The following C12orf42 variants were observed in gnomAD, a reference collection of about 807,000 sequenced individuals.
C12orf42 encodes uncharacterized protein C12orf42.
Under a neutral mutation model 21.6 loss-of-function variants are expected in C12orf42, and 25 were observed. The ratio of observed to expected loss-of-function variants is 1.16; its 90% CI spans 0.84 to 1.62. C12orf42 has a LOEUF of 1.62. Among genes scored for constraint, C12orf42 ranks in the 40% most tolerant of loss-of-function variants. The probability of loss-of-function intolerance (pLI) is 0.00; values close to 1 mark genes in which losing one functional copy is unlikely to be tolerated. For missense variants in C12orf42, 483 were observed against 459.3 expected (o/e 1.05, Z -0.47); for synonymous variants, 174 against 175.0 (o/e 0.99, Z 0.05).
At chr12:103,230,378 T>C in the C12orf42 span, among the ~76,000 whole-genome samples, 688 of 152,282 alleles carry the variant, frequency 4.5e-3, 3 homozygotes, top group Middle Eastern at 0.017. Flanking sequence ...AGAACTACTC[T>C]AGAGCAAGCT....
intron 2 of C12orf42, among the ~76,000 whole-genome samples, chr12:103,433,738 T>C (rs1950439434): frequency 6.6e-6 from 1 of 152,232 alleles, no homozygotes; most frequent in Non-Finnish European, 1.5e-5. Context: ...AATGTGCAAC[T>C]TGTTCAGATT....
At chr12:103,557,767 A>G in the C12orf42 span, 1 of 152,104 alleles carries the variant, frequency 6.6e-6, no homozygotes, top group Non-Finnish European at 1.5e-5. Context: ...CCACCTCCAA[A>G]ACTAAGAATT....
chr12:103,404,174 T>C (rs2048253022), intron 2 of C12orf42, among the ~76,000 whole-genome samples: 1 of 152,192 alleles, frequency 6.6e-6, no homozygotes, highest in Non-Finnish European at 1.5e-5. Flanking sequence ...AATAGCTGCA[T>C]ATATTGGAGG....
chr12:103,334,070 T>C (rs1014426309), intron 4 of C12orf42, among the ~76,000 whole-genome samples: 3 of 152,238 alleles, frequency 2.0e-5, no homozygotes, highest in African/African-American at 7.2e-5. Context: ...TAATTTCTAA[T>C]TGGCAACTTT....
At chr12:103,466,927 A>AC (rs1255353813) in intron 2 of C12orf42, among the ~76,000 whole-genome samples, 1 of 152,166 alleles carries the variant, frequency 6.6e-6, no homozygotes, top group African/African-American at 2.4e-5. Context: ...GAGCCAAGTC[A>AC]CCCAGTCTTC....
intron 2 of C12orf42, among the ~76,000 whole-genome samples, chr12:103,411,728 G>GTGCGTT (rs1222295218): frequency 1.3e-5 from 2 of 152,126 alleles, no homozygotes; most frequent in African/African-American, 4.8e-5. Context: ...CGTTGATCTT[G>GTGCGTT]GACTTCCCAT....
chr12:103,297,050 A>AG (rs1284865768), downstream of C12orf42, among the ~76,000 whole-genome samples: 1 of 152,194 alleles, frequency 6.6e-6, no homozygotes, highest in Non-Finnish European at 1.5e-5. Context: ...GGTGTAAGGA[A>AG]GGGATCCAGT....
At chr12:103,435,095 T>A in intron 2 of C12orf42, among the ~76,000 whole-genome samples, 1 of 152,210 alleles carries the variant, frequency 6.6e-6, no homozygotes, top group African/African-American at 2.4e-5. Context: ...CCCTGACCCC[T>A]GACCCCCGAG....
intron 4 of C12orf42, among the ~76,000 whole-genome samples, chr12:103,323,360 G>T (rs2040369469): frequency 1.3e-5 from 2 of 152,156 alleles, no homozygotes; most frequent in African/African-American, 2.4e-5. Flanking sequence ...ATTAATGGTT[G>T]ATTAGATGCC....
the C12orf42 span, chr12:103,168,247 A>G: frequency 2.9e-6 from 1 of 347,296 alleles, no homozygotes; most frequent in Non-Finnish European, 5.7e-6. Context: ...CAATTTATTC[A>G]GTGTATAATA....
the C12orf42 span, among the ~76,000 whole-genome samples, chr12:103,117,066 A>G: frequency 6.6e-6 from 1 of 152,172 alleles, no homozygotes; most frequent in East Asian, 1.9e-4. Flanking sequence ...CCTTCTAGCT[A>G]TTTGAAACTA....
At chr12:103,313,107 T>C (rs563155644) in intron 4 of C12orf42, among the ~76,000 whole-genome samples, 1 of 152,306 alleles carries the variant, frequency 6.6e-6, no homozygotes, top group East Asian at 1.9e-4. Context: ...CTAGAGGCAA[T>C]TGTCCTAAAA....
At chr12:103,349,149 T>C (rs1436006237) in intron 4 of C12orf42, 3 of 152,186 alleles carry the variant, frequency 2.0e-5, no homozygotes, top group Admixed American at 6.6e-5. Context: ...TGAGAACTTC[T>C]GAGAAGAGTC....
chr12:103,393,247 C>T (rs2047224543), intron 3 of C12orf42, among the ~76,000 whole-genome samples: 1 of 152,082 alleles, frequency 6.6e-6, no homozygotes. Flanking sequence ...CTGATGAGAG[C>T]TTCTAAGCTT....
chr12:103,283,443 A>G (rs17456122), intron 4 of C12orf42, among the ~76,000 whole-genome samples: 1 of 152,178 alleles, frequency 6.6e-6, no homozygotes, highest in African/African-American at 2.4e-5. Context: ...CTCCATTGCT[A>G]TTAGAAGAAA....
the C12orf42 span, among the ~76,000 whole-genome samples, chr12:103,530,275 T>C: frequency 6.6e-6 from 1 of 152,196 alleles, no homozygotes; most frequent in South Asian, 2.1e-4. Flanking sequence ...CAGCTGCACA[T>C]GGAGCCCGGC....
At chr12:103,236,414 C>T (rs891198066), downstream of C12orf42, among the ~76,000 whole-genome samples, 1 of 152,184 alleles carries the variant, frequency 6.6e-6, no homozygotes, top group African/African-American at 2.4e-5. Context: ...TGTTGATTTA[C>T]CCCATGCAAG....
chr12:103,345,237 T>C (rs2042510723), intron 4 of C12orf42, among the ~76,000 whole-genome samples: 2 of 152,216 alleles, frequency 1.3e-5, no homozygotes, highest in African/African-American at 4.8e-5. Context: ...AACTCTATAA[T>C]AACTGGGAAT....
intron 2 of C12orf42, among the ~76,000 whole-genome samples, chr12:103,411,536 A>G (rs192105795): frequency 2.6e-5 from 4 of 152,288 alleles, no homozygotes; most frequent in African/African-American, 9.6e-5. Context: ...CCTTAATACC[A>G]TTAAGAAGTG....
Sources: allele counts gnomAD v4.1 joint callset (sites outside exome capture counted in the v4.1 genomes callset), GRCh38; gene constraint gnomAD v4.1.1; transcripts MANE v1.5; gene names NCBI Gene and HGNC (gene_info 2026-07-23, HGNC 2026-07-21).